Variants in AGAP1 observed in about 807,000 individuals in gnomAD.
The protein encoded by AGAP1 is ArfGAP with GTPase domain, ankyrin repeat and PH domain 1, also known as arf-GAP with GTPase, ANK repeat and PH domain-containing protein 1.
A neutral mutation model predicts 105.3 loss-of-function variants in AGAP1; 29 were observed. The observed-to-expected ratio is 0.28, with a 90% CI of 0.21 to 0.38. The LOEUF (loss-of-function observed/expected upper bound fraction) is 0.38. Among genes scored for constraint, AGAP1 ranks in the 10% least tolerant of loss-of-function variants. The pLI is 1.00. For missense variants in AGAP1, 998 were observed against 1,165.1 expected (o/e 0.86, Z 2.09); for synonymous variants, 509 against 485.9 (o/e 1.05, Z -0.63).
intron 9 of AGAP1, chr2:235,852,550 C>T (rs2106459051): frequency 3.8e-6 from 3 of 795,890 alleles, no homozygotes; most frequent in South Asian, 9.1e-5. Flanking sequence ...AGTTAGCCGT[C>T]AGTCAAGTTT....
Position 235,724,585 on chromosome 2 carries a change from G to T in AGAP1, c.310+6941G>T, listed in dbSNP as rs1021661622. On this transcript the variant is annotated intron_variant, in intron 3 of 17. Coordinates refer to ENST00000304032, the MANE Select transcript of AGAP1 (RefSeq NM_001037131.3). The surrounding 1 kb of genome is among the most constrained non-coding windows in gnomAD (Gnocchi z 4.9). The stretch of plus-strand genomic sequence containing the variant: ...AGATGGAAAAGGTACCTGCGGTGGT[G>T]GGGGGAGGGGGAGTTCCCTATGTAA... 5.9e-5 allele frequency among the ~76,000 whole-genome samples: 9 copies of T among 152,138 alleles called. No individual in the cohort carries two copies. Among genetic ancestry groups the T allele is most frequent in the Admixed American group, 1.3e-4 (2 of 15,278 alleles).
chr2:235,844,588 T>C (rs1474362777), intron 9 of AGAP1, among the ~76,000 whole-genome samples: 1 of 152,036 alleles, frequency 6.6e-6, no homozygotes, highest in Non-Finnish European at 1.5e-5. Context: ...CCCCTGACCT[T>C]CCCACGAAGC....
intron 1 of AGAP1, among the ~76,000 whole-genome samples, chr2:235,526,116 C>T (rs1482728920): frequency 1.4e-5 from 1 of 71,756 alleles, no homozygotes; most frequent in Admixed American, 1.4e-4. Flanking sequence ...AGAGGACTGA[C>T]ACATAATGTG....
Position 235,976,523 on chromosome 2 carries a change from G to A in AGAP1, c.1645+7900G>A, listed in dbSNP as rs975036130. Among the ~76,000 whole-genome samples, 15 of 152,340 alleles carry A rather than the reference G, an allele frequency of 9.8e-5. No homozygotes were observed. The highest frequency in any genetic ancestry group is 2.9e-4 in the African/African-American group (12 of 41,584). ...CGACGCACAGAAGGATGTTTGTAGTGTGGTTTTTGTTTGTTTGTTTGTTTT... is the reference window on the plus strand; with the variant it reads ...CGACGCACAGAAGGATGTTTGTAGTATGGTTTTTGTTTGTTTGTTTGTTTT... On this transcript the variant is annotated intron_variant, in intron 13 of 17. Coordinates refer to ENST00000304032, the MANE Select transcript of AGAP1 (RefSeq NM_001037131.3). This position sits in a 1 kb window ranked among gnomAD's most constrained non-coding sequence, Gnocchi z 4.5.
intron 13 of AGAP1, among the ~76,000 whole-genome samples, chr2:236,033,224 G>A (rs536516557): frequency 3.3e-5 from 5 of 152,154 alleles, no homozygotes; most frequent in Non-Finnish European, 7.3e-5. Flanking sequence ...CAGCCTGGAC[G>A]ACAGGAGCGA....
At position 235,981,200 on chromosome 2, in the gene AGAP1, A is replaced by G. The variant is rs114555842; in HGVS notation, c.1645+12577A>G. Among the ~76,000 whole-genome samples, 448 of 152,290 alleles carry G rather than the reference A, an allele frequency of 2.9e-3. 1 individual carries two copies. Among genetic ancestry groups the G allele is most frequent in the Non-Finnish European group, 4.9e-3 (331 of 68,020 alleles). On this transcript the variant is annotated intron_variant, in intron 13 of 17. Transcript: ENST00000304032. The surrounding 1 kb of genome is among the most constrained non-coding windows in gnomAD (Gnocchi z 5.5). Reference sequence around the variant, plus strand: ...CGGGGCCTGTGGTCACTAAGCTTATATGAGGGACGAGAGCCGTAGCATTGC... The same window carrying G: ...CGGGGCCTGTGGTCACTAAGCTTATGTGAGGGACGAGAGCCGTAGCATTGC...
chr2:235,972,104 C>G (rs2054673612), intron 13 of AGAP1, among the ~76,000 whole-genome samples: 1 of 152,112 alleles, frequency 6.6e-6, no homozygotes, highest in Non-Finnish European at 1.5e-5. Flanking sequence ...GAATACTATT[C>G]TATTATAAAA....
rs1575002495 is a variant in AGAP1 at position 235,631,771 on chromosome 2, G to A, written c.164-77408G>A. Among the ~76,000 whole-genome samples, 1 of 152,368 alleles carries A rather than the reference G, an allele frequency of 6.6e-6. No homozygotes were observed. Among genetic ancestry groups the A allele is most frequent in the East Asian group, 1.9e-4 (1 of 5,184 alleles). ...GGAGCTGCCTGTGGCAGGTGGCGGT[G>A]CTAATTAAGTTCCGGCTGTTGTGAC... On this transcript the variant is annotated intron_variant, in intron 1 of 17. Transcript: ENST00000304032. This position sits in a 1 kb window ranked among gnomAD's most constrained non-coding sequence, Gnocchi z 5.4.
chr2:235,921,474 G>A (rs1158077955), intron 11 of AGAP1, among the ~76,000 whole-genome samples: 1 of 152,102 alleles, frequency 6.6e-6, no homozygotes, highest in African/African-American at 2.4e-5. Flanking sequence ...CAACAAAATA[G>A]GCCCCCATTA....
rs566278009 is a variant in AGAP1 at position 235,549,248 on chromosome 2, T to C, written c.163+54399T>C. On this transcript the variant is annotated intron_variant, in intron 1 of 17. Transcript: ENST00000304032. This position sits in a 1 kb window ranked among gnomAD's most constrained non-coding sequence, Gnocchi z 4.2. ...ACAAACTAGAAGGGCCTGGTTTCTG[T>C]AGGTGACAAAGCTGGGGGGAACGTG... Among the ~76,000 whole-genome samples the C allele has an allele frequency of 6.6e-6, 1 of 152,294 alleles. No homozygotes were observed. Among genetic ancestry groups the C allele is most frequent in the South Asian group, 2.1e-4 (1 of 4,822 alleles).
At position 235,989,251 on chromosome 2, in the gene AGAP1, C is replaced by T. The variant is rs922214890; in HGVS notation, c.1645+20628C>T. ...AAGCTGCTGACAGGTATTTATTGAC[C>T]AGGTACTGTGTAGAGGTCGCTGCTG... is the stretch of plus-strand genomic sequence containing the variant. On this transcript the variant is annotated intron_variant, in intron 13 of 17. Transcript: ENST00000304032. The surrounding 1 kb of genome is among the most constrained non-coding windows in gnomAD (Gnocchi z 4.4). 6.6e-6 allele frequency among the ~76,000 whole-genome samples: 1 copy of T among 152,166 alleles called. No individual in the cohort carries two copies. Among genetic ancestry groups the T allele is most frequent in the Non-Finnish European group, 1.5e-5 (1 of 68,036 alleles).
intron 13 of AGAP1, among the ~76,000 whole-genome samples, chr2:236,034,043 T>G (rs2125651240): frequency 6.6e-6 from 1 of 152,364 alleles, no homozygotes; most frequent in East Asian, 1.9e-4. Context: ...TTCCTTATGA[T>G]CTAACTGTGA....
intron 13 of AGAP1, among the ~76,000 whole-genome samples, chr2:235,999,680 G>GATT (rs2056023636): frequency 2.1e-4 from 20 of 93,816 alleles, no homozygotes; most frequent in South Asian, 7.6e-4. Flanking sequence ...TGGTGGTGGT[G>GATT]GTGGTCGTGG....
intron 3 of AGAP1, among the ~76,000 whole-genome samples, chr2:235,727,411 C>T (rs929027609): frequency 2.6e-5 from 4 of 152,150 alleles, no homozygotes; most frequent in South Asian, 4.2e-4. Context: ...CCAGCTTGCA[C>T]GGTTTGAACT....
At chr2:236,041,512 A>G (rs1413253328) in intron 15 of AGAP1, among the ~76,000 whole-genome samples, 1 of 152,162 alleles carries the variant, frequency 6.6e-6, no homozygotes. Context: ...TCTAATCCAT[A>G]CTATTACTTT....
intron 1 of AGAP1, among the ~76,000 whole-genome samples, chr2:235,542,913 G>T (rs1377085321): frequency 6.6e-6 from 1 of 152,168 alleles, no homozygotes; most frequent in Non-Finnish European, 1.5e-5. Flanking sequence ...CACCCAAGGG[G>T]AGGGGTCCAG....
intron 1 of AGAP1, among the ~76,000 whole-genome samples, chr2:235,594,588 GT>G (rs1945456960): frequency 6.6e-6 from 1 of 151,958 alleles, no homozygotes; most frequent in African/African-American, 2.4e-5. Flanking sequence ...ATTGCTGTTT[GT>G]TTTGAGAGGG....
chr2:235,547,461 C>T (rs1193578530), intron 1 of AGAP1, among the ~76,000 whole-genome samples: 2 of 151,156 alleles, frequency 1.3e-5, no homozygotes, highest in South Asian at 2.1e-4. Flanking sequence ...CGGGTTCAAG[C>T]GATTCTCCTG....
In AGAP1 at chr2:236,087,988, G is replaced by A. The variant is rs1439398996; in HGVS notation, c.2115-32204G>A. On this transcript the variant is annotated intron_variant, in intron 16 of 17. Coordinates refer to ENST00000304032, the MANE Select transcript of AGAP1 (RefSeq NM_001037131.3). The surrounding 1 kb of genome is among the most constrained non-coding windows in gnomAD (Gnocchi z 5.7). ...AGACCTGCTTGGTATCCTTGGCCCC[G>A]GGGTCCAGGTTATTCAGTTTGTTGA... Among the ~76,000 whole-genome samples the A allele has an allele frequency of 2.6e-5, 4 of 152,136 alleles. No individual in the cohort carries two copies. Among genetic ancestry groups the A allele is most frequent in the South Asian group, 2.1e-4 (1 of 4,830 alleles).
Sources: allele counts gnomAD v4.1 joint callset (sites outside exome capture counted in the v4.1 genomes callset), GRCh38; gene constraint gnomAD v4.1.1; non-coding constraint Gnocchi (gnomAD v3.1); transcripts MANE v1.5; gene names NCBI Gene and HGNC (gene_info 2026-07-23, HGNC 2026-07-21).